Variants in EPHA5 observed in about 807,000 individuals in gnomAD.
EPHA5 encodes EPH receptor A5.
In EPHA5, 60 loss-of-function variants were observed where a neutral mutation model predicts 105.0. The ratio of observed to expected loss-of-function variants is 0.57; its 90% confidence interval spans 0.46 to 0.71. The LOEUF is 0.71. Ranked by LOEUF, EPHA5 falls within the 30% of genes least tolerant of loss-of-function variation. EPHA5 has a pLI of 0.00. For missense variants in EPHA5, 1,218 were observed against 1,274.7 expected (o/e 0.96, Z 0.68); for synonymous variants, 513 against 449.1 (o/e 1.14, Z -1.80).
chr4:65,585,852 C>A (rs1229964643), intron 3 of EPHA5, among the ~76,000 whole-genome samples: 1 of 151,574 alleles, frequency 6.6e-6, no homozygotes, highest in Non-Finnish European at 1.5e-5. Flanking sequence ...GACATATACT[C>A]CTTTTCAAGT....
At chr4:65,376,920 G>A (rs1185659073) in intron 8 of EPHA5, 3 of 1,303,662 alleles carry the variant, frequency 2.3e-6, no homozygotes, top group Admixed American at 2.6e-5. Flanking sequence ...GTACACAAAT[G>A]GAGAAAGAAA....
rs776123929 is a variant in EPHA5, at chr4:65,367,409, G to C, written c.1809C>G (p.Ser603Arg). Residue 603 changes from serine to arginine, a missense_variant, in exon 9 of 17, where the codon AGC (serine) becomes AGG (arginine). Transcript: ENST00000613740. ...VLLSGRRCGY[S>R]KAKQDPEEEK... is the part of the protein sequence containing the mutation. ...CCTCTTCTGGATCTTGTTTTGCTTTGCTGTAGCCACACCGCCTGGAACAAA... is the reference window on the plus strand; with the variant it reads ...CCTCTTCTGGATCTTGTTTTGCTTTCCTGTAGCCACACCGCCTGGAACAAA... 1 of 1,611,802 alleles carries C rather than the reference G, an allele frequency of 6.2e-7. No homozygotes were observed. Among genetic ancestry groups the C allele is most frequent in the South Asian group, 1.1e-5 (1 of 91,020 alleles).
At chr4:65,569,597 G>A (rs1056658575) in intron 3 of EPHA5, among the ~76,000 whole-genome samples, 1 of 151,600 alleles carries the variant, frequency 6.6e-6, no homozygotes, top group Admixed American at 6.6e-5. Context: ...GCTTATTAAA[G>A]ATATACATTA....
chr4:65,322,409 A>G lies in EPHA5; in HGVS notation c.*1705T>C, dbSNP rs1719706208. 1 of 225,790 alleles carries G rather than the reference A, an allele frequency of 4.4e-6. No homozygotes were observed. Among genetic ancestry groups the G allele is most frequent in the African/African-American group, 2.2e-5 (1 of 44,934 alleles). The allele number at this position is 225,790 out of a possible 1,614,324, so 14.0% of individuals were successfully genotyped here. On this transcript the variant is annotated 3_prime_UTR_variant, in exon 17 of 17. Transcript: ENST00000613740. ...GCTATATTTCTGATAAATTTCATTA[A>G]TCCAGGCTTCTCTGATCTACTGTAC...
At chr4:65,455,499 C>T (rs576108501) in intron 5 of EPHA5, among the ~76,000 whole-genome samples, 19 of 152,188 alleles carry the variant, frequency 1.2e-4, no homozygotes, top group Non-Finnish European at 1.9e-4. Context: ...TCATAAGGAA[C>T]GCTGATCTGC....
rs2149441422 is a variant in EPHA5 at position 65,602,197 on chromosome 4, G to A, written c.354C>T (p.Ile118=). 6.2e-7 allele frequency: 1 copy of A among 1,613,884 alleles called. No individual in the cohort carries two copies. The highest frequency in any genetic ancestry group is 2.2e-5 in the East Asian group (1 of 44,862). The change falls in exon 3 of 17, where the codon ATC becomes ATT. Residue 118 remains isoleucine (I), a synonymous_variant. Coordinates refer to ENST00000613740, the MANE Select transcript of EPHA5 (RefSeq NM_001281766.3). ...AGATTCTGGAAGCACCTTCATTGGA[G>A]ATCCAACTGGTCAAAAGCCAGTTAT... ...NQNNWLLTSW[I]SNEGASRIFI...
Position 65,322,492 on chromosome 4 carries a change from T to G in EPHA5, c.*1622A>C, listed in dbSNP as rs1719712206. Reference sequence around the variant, plus strand: ...TTTATTTAAATGCTCTGATTTTGACTAATCACATGACATTCCATAATTTTT... The same window carrying G: ...TTTATTTAAATGCTCTGATTTTGACGAATCACATGACATTCCATAATTTTT... On this transcript the variant is annotated 3_prime_UTR_variant, in exon 17 of 17. Coordinates refer to ENST00000613740, the MANE Select transcript of EPHA5 (RefSeq NM_001281766.3). 1 of 225,568 alleles carries G rather than the reference T, an allele frequency of 4.4e-6. No homozygotes were observed. Among genetic ancestry groups the G allele is most frequent in the African/African-American group, 2.2e-5 (1 of 44,866 alleles). 14.0% of individuals were successfully genotyped at this position (225,568 alleles called of 1,614,324 possible). A position where few individuals can be genotyped will look rare whatever the true frequency, so the allele number is the denominator to read the frequency against.
At chr4:65,659,792 C>T (rs187343156) in intron 1 of EPHA5, among the ~76,000 whole-genome samples, 168 of 152,164 alleles carry the variant, frequency 1.1e-3, no homozygotes, top group African/African-American at 3.7e-3. Context: ...CCTGTTTATG[C>T]TCACCTAAGT....
intron 8 of EPHA5, among the ~76,000 whole-genome samples, chr4:65,377,412 A>G (rs1289476954): frequency 6.6e-6 from 1 of 151,972 alleles, no homozygotes; most frequent in African/African-American, 2.4e-5. Context: ...AATTCCCTCA[A>G]AATTTACATC....
chr4:65,343,490 A>C (rs1405359366), intron 14 of EPHA5, among the ~76,000 whole-genome samples: 1 of 152,166 alleles, frequency 6.6e-6, no homozygotes, highest in Non-Finnish European at 1.5e-5. Context: ...AAAGCCCTTT[A>C]AGAATCAGAT....
At chr4:65,601,443 C>T (rs1743713414) in intron 3 of EPHA5, among the ~76,000 whole-genome samples, 198 bp downstream of exon 3, 1 of 152,014 alleles carries the variant, frequency 6.6e-6, no homozygotes, top group African/African-American at 2.4e-5. Context: ...TTATGTATAT[C>T]CAATAAAATA....
In EPHA5 at chr4:65,400,749, T is replaced by A. The variant is rs577726365; in HGVS notation, c.1793+3625A>T. ...ATACCCAGTGTGTCATCATTTGCAC[T>A]TTTTTTGTCTAAATAAAAATACAAA... On this transcript the variant is annotated intron_variant, in intron 8 of 16. Coordinates refer to ENST00000613740, the MANE Select transcript of EPHA5 (RefSeq NM_001281766.3). Among the ~76,000 whole-genome samples, 11 of 152,234 alleles carry A rather than the reference T, an allele frequency of 7.2e-5. No homozygotes were observed. The East Asian group carries it at 1.9e-3, about 27-fold the overall frequency.
intron 3 of EPHA5, among the ~76,000 whole-genome samples, chr4:65,571,817 G>A (rs1440664169): frequency 6.6e-6 from 1 of 151,884 alleles, no homozygotes; most frequent in African/African-American, 2.4e-5. Flanking sequence ...TTGCATAATA[G>A]CATTTCAGTA....
At chr4:65,367,079 A>T (rs1380008566) in intron 9 of EPHA5, among the ~76,000 whole-genome samples, 1 of 151,806 alleles carries the variant, frequency 6.6e-6, no homozygotes, top group African/African-American at 2.4e-5. Context: ...TTTTATTTGA[A>T]ATATAATAGT....
chr4:65,448,871 A>G (rs1726814746), intron 5 of EPHA5, among the ~76,000 whole-genome samples: 3 of 152,182 alleles, frequency 2.0e-5, no homozygotes, highest in Admixed American at 2.0e-4. Flanking sequence ...ATCATAATAT[A>G]TAAGAAAATA....
At chr4:65,519,750 A>C (rs921378346) in intron 3 of EPHA5, among the ~76,000 whole-genome samples, 3 of 152,006 alleles carry the variant, frequency 2.0e-5, no homozygotes, top group Admixed American at 2.0e-4. Context: ...AACAGAGAGC[A>C]AAATCATGAG....
At chr4:65,399,774 A>G (rs1360597379) in intron 8 of EPHA5, among the ~76,000 whole-genome samples, 1 of 152,242 alleles carries the variant, frequency 6.6e-6, no homozygotes, top group East Asian at 1.9e-4. Context: ...TTGAAATTTA[A>G]TTAAATTCAG....
rs141913037 is a variant in EPHA5, at chr4:65,440,757, G to A, written c.1403-20192C>T. Among the ~76,000 whole-genome samples the A allele has an allele frequency of 4.9e-4, 75 of 152,096 alleles. 2 individuals are homozygous for A. In the East Asian group the frequency reaches 0.013, roughly 27 times the overall value. ...CTTGAGGAGGGTTCTCTGATGTCTGGGAAAAGGGAGAGAAGGAGAAGAAAA... is the reference window on the plus strand; with the variant it reads ...CTTGAGGAGGGTTCTCTGATGTCTGAGAAAAGGGAGAGAAGGAGAAGAAAA... On this transcript the variant is annotated intron_variant, in intron 5 of 16. Coordinates refer to ENST00000613740, the MANE Select transcript of EPHA5 (RefSeq NM_001281766.3).
At chr4:65,376,997 C>T in intron 8 of EPHA5, 1 of 1,605,264 alleles carries the variant, frequency 6.2e-7, no homozygotes, top group Non-Finnish European at 8.5e-7. Flanking sequence ...GGAACACTAA[C>T]CATATTAGGC....
Sources: allele counts gnomAD v4.1 joint callset (sites outside exome capture counted in the v4.1 genomes callset), GRCh38; gene constraint gnomAD v4.1.1; transcripts MANE v1.5; gene names NCBI Gene and HGNC (gene_info 2026-07-23, HGNC 2026-07-21).